ATRX: variants seen among roughly 807,000 people sequenced by gnomAD.
ATRX encodes the protein ATRX chromatin remodeler, also known as chromatin remodeler ATRX.
A neutral mutation model predicts 172.6 loss-of-function variants in ATRX; 12 were observed. The ratio of observed to expected loss-of-function variants is 0.07; its 90% CI spans 0.04 to 0.11. ATRX has a LOEUF of 0.11. Among genes scored for constraint, ATRX ranks in the 10% least tolerant of loss-of-function variants. The probability of loss-of-function intolerance (pLI) is 1.00; values close to 1 mark genes in which losing one functional copy is unlikely to be tolerated. For synonymous variants in ATRX, 674 were observed against 594.7 expected (o/e 1.13, Z -1.94); for missense variants, 1,368 against 1,767.4 (o/e 0.77, Z 4.05).
At chrX:77,746,274 G>T (rs1038473253) in intron 1 of ATRX, among the ~76,000 whole-genome samples, 21 of 110,551 alleles carry the variant, frequency 1.9e-4, no homozygotes. Flanking sequence ...AAAAAAAAGT[G>T]CACAAGTACC....
At chrX:77,551,289 T>C (rs1350157712) in intron 30 of ATRX, among the ~76,000 whole-genome samples, 1 of 111,264 alleles carries the variant, frequency 9.0e-6, no homozygotes, top group Non-Finnish European at 1.9e-5. Context: ...TGGAACAGAA[T>C]AGAGCCCTCG....
chrX:77,524,284 T>C (rs2063317394), intron 30 of ATRX, among the ~76,000 whole-genome samples: 1 of 112,092 alleles, frequency 8.9e-6, no homozygotes, highest in Non-Finnish European at 1.9e-5. Flanking sequence ...TTAATTCACT[T>C]TACAGAAGGA....
chrX:77,515,558 C>T (rs987745570), intron 34 of ATRX, among the ~76,000 whole-genome samples: 5 of 111,363 alleles, frequency 4.5e-5, no homozygotes, highest in South Asian at 3.8e-4. Context: ...GCATTCATTA[C>T]GGAATGCCCC....
intron 1 of ATRX, among the ~76,000 whole-genome samples, chrX:77,781,584 C>T (rs2076574989): frequency 1.8e-5 from 2 of 110,754 alleles, no homozygotes; most frequent in Non-Finnish European, 3.8e-5. Context: ...ATATTTACTC[C>T]CATTTGAGCT....
chrX:77,620,664 A>T (rs2067542436), intron 19 of ATRX, 132 bp from the exon 20 acceptor site: 3 of 624,735 alleles, frequency 4.8e-6, no homozygotes, highest in South Asian at 5.8e-5. Flanking sequence ...CGTTGTAAGT[A>T]TAAACATATT....
intron 30 of ATRX, among the ~76,000 whole-genome samples, chrX:77,554,254 G>A (rs781954313): frequency 3.6e-5 from 4 of 111,034 alleles, no homozygotes; most frequent in East Asian, 2.8e-4. Flanking sequence ...GCAGTGAGCC[G>A]AGATCATGCC....
At chrX:77,780,318 T>C (rs1220888429) in intron 1 of ATRX, among the ~76,000 whole-genome samples, 1 of 110,439 alleles carries the variant, frequency 9.1e-6, no homozygotes, top group African/African-American at 3.3e-5. Flanking sequence ...ATAAGCAGAA[T>C]TTTTTGCTTA....
At chrX:77,563,626 G>A (rs2065091394) in intron 28 of ATRX, among the ~76,000 whole-genome samples, 1 of 110,868 alleles carries the variant, frequency 9.0e-6, no homozygotes, top group South Asian at 3.8e-4. Context: ...CACTCTTAAT[G>A]TGAAATGACG....
intron 1 of ATRX, among the ~76,000 whole-genome samples, chrX:77,736,635 A>G (rs1407425172): frequency 8.9e-6 from 1 of 112,652 alleles, no homozygotes; most frequent in Non-Finnish European, 1.9e-5. Flanking sequence ...GAAATAGGAC[A>G]ACCACTACGA....
intron 10 of ATRX, among the ~76,000 whole-genome samples, chrX:77,665,769 T>C (rs185805674): frequency 9.5e-4 from 106 of 111,813 alleles, no homozygotes; most frequent in African/African-American, 3.2e-3. Context: ...AAATAGCTTA[T>C]AGAAAAGTTC....
chrX:77,615,111 G>A (rs1176858293), intron 22 of ATRX, among the ~76,000 whole-genome samples: 1 of 110,797 alleles, frequency 9.0e-6, no homozygotes. Flanking sequence ...CAAACCTCCC[G>A]CCTCAGCCTC....
intron 27 of ATRX, among the ~76,000 whole-genome samples, chrX:77,583,109 G>A (rs782336967): frequency 9.0e-6 from 1 of 111,592 alleles, no homozygotes; most frequent in Non-Finnish European, 1.9e-5. Flanking sequence ...AGTAGCAAAC[G>A]GAATTCAATA....
chrX:77,573,170 A>C (rs782724269), intron 28 of ATRX, among the ~76,000 whole-genome samples: 3 of 112,009 alleles, frequency 2.7e-5, no homozygotes, highest in Non-Finnish European at 5.7e-5. Context: ...AGGCAATCTC[A>C]TAAGAGTATA....
rs45526837 is a variant in ATRX, at chrX:77,692,121, T to C, written c.484+1703A>G. On this transcript the variant is annotated intron_variant, in intron 6 of 34. Transcript: ENST00000373344. The stretch of plus-strand genomic sequence containing the variant: ...TATCCACATTTCAGACACTGACTGC[T>C]ACAGGGTCCCTTCCCAAAAATAACA... Among the ~76,000 whole-genome samples the C allele has an allele frequency of 4.0e-3, 445 of 111,894 alleles. 2 individuals are homozygous for C. The highest frequency in any genetic ancestry group is 0.013 in the African/African-American group (407 of 30,825).
chrX:77,634,232 T>TTAAAA (rs1430932563), intron 17 of ATRX, among the ~76,000 whole-genome samples: 1 of 54,068 alleles, frequency 1.8e-5, no homozygotes, highest in African/African-American at 7.5e-5. Flanking sequence ...TTAAAAGTTG[T>TTAAAA]AAAAAAAAAA....
intron 30 of ATRX, among the ~76,000 whole-genome samples, chrX:77,552,913 C>A (rs1255033256): frequency 1.8e-5 from 2 of 111,012 alleles, no homozygotes; most frequent in African/African-American, 3.3e-5. Context: ...GACAAAAAAA[C>A]CTCATAAAAG....
intron 33 of ATRX, chrX:77,521,117 T>C (rs2063216599): frequency 9.0e-6 from 4 of 444,287 alleles, no homozygotes; most frequent in Non-Finnish European, 1.2e-5. Flanking sequence ...AATGAAACAA[T>C]AATTTAGATT....
intron 30 of ATRX, among the ~76,000 whole-genome samples, chrX:77,528,780 C>T (rs1399219625): frequency 1.8e-5 from 2 of 112,092 alleles, no homozygotes; most frequent in African/African-American, 6.5e-5. Flanking sequence ...AACACCTCTC[C>T]AGCAAGAGCA....
intron 7 of ATRX, 90 bp downstream of exon 7, chrX:77,688,728 A>C (rs1273572779): frequency 1.3e-6 from 1 of 742,764 alleles, no homozygotes; most frequent in Non-Finnish European, 2.1e-6. Flanking sequence ...TACCATTTTC[A>C]TCTTTCTTCA....
Sources: allele counts gnomAD v4.1 joint callset (sites outside exome capture counted in the v4.1 genomes callset), GRCh38; gene constraint gnomAD v4.1.1; transcripts MANE v1.5; gene names NCBI Gene and HGNC (gene_info 2026-07-23, HGNC 2026-07-21).